SAMD11: variants seen among roughly 807,000 people sequenced by gnomAD.
SAMD11 encodes the protein sterile alpha motif domain-containing protein 11.
In SAMD11, 77 loss-of-function variants were observed where a neutral mutation model predicts 64.4. The observed-to-expected ratio is 1.20, with a 90% CI of 0.99 to 1.44. SAMD11 has a LOEUF of 1.44. Among genes scored for constraint, SAMD11 ranks in the 40% most tolerant of loss-of-function variants. SAMD11 has a pLI of 0.00. For synonymous variants in SAMD11, 658 were observed against 421.9 expected (o/e 1.56, Z -6.86); for missense variants, 1,402 against 943.3 (o/e 1.49, Z -6.37).
At chr1:936,719 A>G (rs991774239) in intron 5 of SAMD11, among the ~76,000 whole-genome samples, 1 of 152,066 alleles carries the variant, frequency 6.6e-6, no homozygotes, top group Non-Finnish European at 1.5e-5. Flanking sequence ...TGTGTCCCCC[A>G]TCCATGGCCC....
chr1:942,547 C>A lies in SAMD11; in HGVS notation c.1554-12C>A, dbSNP rs762292178. The A allele has an allele frequency of 2.9e-6, 4 of 1,402,688 alleles. No homozygotes were observed. The highest frequency in any genetic ancestry group is 1.6e-5 in the South Asian group (1 of 64,322). The allele number at this position is 1,402,688 out of a possible 1,614,324, so 86.9% of individuals were successfully genotyped here. A position where few individuals can be genotyped will look rare whatever the true frequency, so the allele number is the denominator to read the frequency against. On this transcript the variant is annotated splice_polypyrimidine_tract_variant and intron_variant, in intron 10 of 13. Coordinates refer to ENST00000616016, the MANE Select transcript of SAMD11 (RefSeq NM_001385641.1). The stretch of plus-strand genomic sequence containing the variant: ...CCGGGAGGCGGCTGACCCGCGTCTG[C>A]CCCCGGCCCAGGCTGGAGCTGCCCG...
intron 2 of SAMD11, among the ~76,000 whole-genome samples, chr1:926,689 G>A (rs1437817221): frequency 2.6e-5 from 4 of 152,140 alleles, no homozygotes; most frequent in Non-Finnish European, 5.9e-5. Flanking sequence ...GCTGCCTTCT[G>A]CTCAGGGAGG....
chr1:936,775 T>G (rs1172049059), intron 5 of SAMD11, among the ~76,000 whole-genome samples: 4 of 152,026 alleles, frequency 2.6e-5, no homozygotes, highest in African/African-American at 7.2e-5. Flanking sequence ...TGGGGCTGGG[T>G]GGGGGCAGCT....
chr1:925,223 AGGAAGTTTACGGGGACTC>A (rs2100285336), intron 1 of SAMD11: 1 of 152,336 alleles, frequency 6.6e-6, no homozygotes, highest in Non-Finnish European at 1.5e-5. Flanking sequence ...TAAGGCCCGA[AGGAAGTTTACGGGGACTC>A]GAGAGAGCGG....
chr1:925,616 G>C (rs1569857084), intron 1 of SAMD11: 2 of 280,618 alleles, frequency 7.1e-6, no homozygotes, highest in Non-Finnish European at 6.8e-6. Flanking sequence ...GCCTTTCTGG[G>C]CCCGGCCTGC....
rs899291487 is a variant in SAMD11 at position 941,447 on chromosome 1, T to C, written c.1358+141T>C. The stretch of plus-strand genomic sequence containing the variant: ...GGGTCCGGGCAGAGCGTTTCGGGGG[T>C]GACACCGATCTGGGCTGCAGTGTTG... On this transcript the variant is annotated intron_variant, in intron 8 of 13. Transcript: ENST00000616016. 5 of 871,834 alleles carry C rather than the reference T, an allele frequency of 5.7e-6. No homozygotes were observed. In the African/African-American group the frequency reaches 7.0e-5, roughly 12 times the overall value. The allele number at this position is 871,834 out of a possible 1,614,324, so 54.0% of individuals were successfully genotyped here. A position where few individuals can be genotyped will look rare whatever the true frequency, so the allele number is the denominator to read the frequency against.
At position 943,711 on chromosome 1, in the gene SAMD11, AGGGGATCGAC is replaced by A; in HGVS notation, c.2198_2207del (p.Ile733ArgfsTer6). ...TCCCCCTTCCAGGTCTTCAGGGAGC[AGGGGATCGAC>A]GGGGAGACCCTGCCACTGCTGACGG... On this transcript the variant is annotated frameshift_variant, in exon 13 of 14. Transcript: ENST00000616016. LOFTEE classifies it high-confidence loss of function. The A allele has an allele frequency of 6.3e-7, 1 of 1,582,504 alleles. No individual in the cohort carries two copies. The highest frequency in any genetic ancestry group is 8.6e-7 in the Non-Finnish European group (1 of 1,163,032).
chr1:931,070 T>G lies in SAMD11; in HGVS notation c.823T>G (p.Phe275Val). The G allele has an allele frequency of 6.2e-7, 1 of 1,612,720 alleles. No homozygotes were observed. Among genetic ancestry groups the G allele is most frequent in the Non-Finnish European group, 8.5e-7 (1 of 1,179,652 alleles). The part of the protein sequence containing the change: ...VHTHWDVNIS[F>V]REASCSQDGN... ...CACCCACTGGGACGTGAACATCTCTTTCCGAGAGGCGTCCTGCAGGTAGGA... is the reference window on the plus strand; with the variant it reads ...CACCCACTGGGACGTGAACATCTCTGTCCGAGAGGCGTCCTGCAGGTAGGA... The change falls in exon 4 of 14, where the codon TTC (phenylalanine) becomes GTC (valine). Residue 275 changes from phenylalanine to valine, a missense_variant. Transcript: ENST00000616016.
rs765692968 is a variant in SAMD11, at chr1:943,297, CCT to C, written c.2099_2100del (p.Pro700ArgfsTer10). ...LSMDGEEAPA[P>X]EDVTKWTVDD... ...CATGGATGGGGAGGAGGCCCCAGCC[CCT>C]GAGGACGTCACCAAGTGGACCGTGG... On this transcript the variant is annotated frameshift_variant, in exon 12 of 14. Coordinates refer to ENST00000616016, the MANE Select transcript of SAMD11 (RefSeq NM_001385641.1). LOFTEE classifies it high-confidence loss of function. 3 of 1,612,440 alleles carry C rather than the reference CCT, an allele frequency of 1.9e-6. No homozygotes were observed. Among genetic ancestry groups the C allele is most frequent in the African/African-American group, 2.7e-5 (2 of 74,854 alleles).
At position 930,993 on chromosome 1, in the gene SAMD11, C is replaced by G. The variant is rs748531533; in HGVS notation, c.792-46C>G. On this transcript the variant is annotated intron_variant, in intron 3 of 13. Coordinates refer to ENST00000616016, the MANE Select transcript of SAMD11 (RefSeq NM_001385641.1). ...CGCCCTGCTATCCTGAGGCTGGGGT[C>G]AGGGGCCTCCAGAGCAACATGGACC... 1.9e-6 allele frequency: 3 copies of G among 1,592,754 alleles called. No individual in the cohort carries two copies. In the South Asian group the frequency reaches 3.3e-5, roughly 18 times the overall value.
intron 2 of SAMD11, among the ~76,000 whole-genome samples, 168 bp from the exon 3 acceptor site, chr1:929,987 G>T (rs75294478): frequency 0.022 from 3,406 of 152,292 alleles, 137 homozygotes; most frequent in East Asian, 0.12. Context: ...GGTAGAGGGA[G>T]GATGGCTGCT....
rs771479164 is a variant in SAMD11 at position 943,900 on chromosome 1, C to T, written c.2290-8C>T. 24 of 1,612,826 alleles carry T rather than the reference C, an allele frequency of 1.5e-5. No individual in the cohort carries two copies. The highest frequency in any genetic ancestry group is 4.5e-5 in the East Asian group (2 of 44,888). On this transcript the variant is annotated splice_polypyrimidine_tract_variant and splice_region_variant and intron_variant, in intron 13 of 13. Coordinates refer to ENST00000616016, the MANE Select transcript of SAMD11 (RefSeq NM_001385641.1). The stretch of plus-strand genomic sequence containing the variant: ...TGCGACAGCCCCCACCAGGCCATCT[C>T]TCTGCAGGTGGCCAGGCGCCTGGGC...
intron 2 of SAMD11, among the ~76,000 whole-genome samples, chr1:927,924 G>C (rs1476369136): frequency 1.3e-5 from 2 of 152,246 alleles, no homozygotes; most frequent in African/African-American, 4.8e-5. Flanking sequence ...GTGCCGGTGT[G>C]TCCCCACGCC....
intron 2 of SAMD11, among the ~76,000 whole-genome samples, chr1:929,872 GCGT>G (rs1641086024): frequency 6.6e-6 from 1 of 152,192 alleles, no homozygotes; most frequent in Non-Finnish European, 1.5e-5. Context: ...GAGCCAGTGG[GCGT>G]CGTCTGTAGG....
chr1:938,967 C>T, intron 5 of SAMD11, 73 bp from the exon 6 acceptor site: 1 of 1,356,124 alleles, frequency 7.4e-7, no homozygotes, highest in African/African-American at 1.4e-5. Flanking sequence ...GCGGTCCAGG[C>T]TGAGCTGGAG....
At chr1:931,780 T>G (rs1249234011) in intron 4 of SAMD11, among the ~76,000 whole-genome samples, 1 of 152,190 alleles carries the variant, frequency 6.6e-6, no homozygotes, top group African/African-American at 2.4e-5. Context: ...GGGGGTGTGA[T>G]TCCAGGATGT....
Position 939,741 on chromosome 1 carries a change from C to A in SAMD11, c.1195+329C>A, listed in dbSNP as rs376560488. ...TGTCAGCAGCACCCCCCGAGGAGAG[C>A]AAGCTCCTGGACCCTGTGGTCTGTG... On this transcript the variant is annotated intron_variant, in intron 7 of 13. Transcript: ENST00000616016. Among the ~76,000 whole-genome samples, 74 of 152,286 alleles carry A rather than the reference C, an allele frequency of 4.9e-4. 1 individual carries two copies. Among genetic ancestry groups the A allele is most frequent in the Middle Eastern group, 3.4e-3 (1 of 294 alleles).
At position 939,036 on chromosome 1, in the gene SAMD11, G is replaced by C. The variant is rs759350082; in HGVS notation, c.968-4G>C. 6.3e-7 allele frequency: 1 copy of C among 1,593,970 alleles called. No homozygotes were observed. Among genetic ancestry groups the C allele is most frequent in the South Asian group, 1.1e-5 (1 of 87,484 alleles). On this transcript the variant is annotated splice_polypyrimidine_tract_variant and splice_region_variant and intron_variant, in intron 5 of 13. Transcript: ENST00000616016. ...GCAGGTGGGCACTCACTACCCTCCCGCAGGTGACCTGTTGGGCAAGAGGCT... is the reference window on the plus strand; with the variant it reads ...GCAGGTGGGCACTCACTACCCTCCCCCAGGTGACCTGTTGGGCAAGAGGCT...
rs745596123 is a variant in SAMD11 at position 943,042 on chromosome 1, C to T, written c.2037C>T (p.Ser679=). Residue 679 remains serine, a synonymous_variant, in exon 11 of 14, where the codon AGC becomes AGT. Transcript: ENST00000616016. ...CCCTGGGCTTCCCTTATGCCGTCAG[C>T]CCCTACTTCCACACAGGTGGGCACC... ...TLPLGFPYAV[S]PYFHTGAVGG... The T allele has an allele frequency of 7.8e-6, 12 of 1,531,378 alleles. No individual in the cohort carries two copies. The African/African-American group carries it at 9.8e-5, about 12-fold the overall frequency. The allele number at this position is 1,531,378 out of a possible 1,614,324, so 94.9% of individuals were successfully genotyped here.
Sources: allele counts gnomAD v4.1 joint callset (sites outside exome capture counted in the v4.1 genomes callset), GRCh38; gene constraint gnomAD v4.1.1; transcripts MANE v1.5; gene names NCBI Gene and HGNC (gene_info 2026-07-23, HGNC 2026-07-21).